Variants in THSD4 observed in about 807,000 individuals in gnomAD.
THSD4 encodes thrombospondin type-1 domain-containing protein 4.
THSD4 carries 69 observed loss-of-function variants against 119.0 expected under a neutral mutation model. The observed-to-expected ratio is 0.58, with a 90% CI of 0.48 to 0.71. The LOEUF is 0.71. THSD4 is among the 30% of genes least tolerant of loss of function. The probability of loss-of-function intolerance (pLI) is 0.00; values close to 1 mark genes in which losing one functional copy is unlikely to be tolerated. For missense variants in THSD4, 1,393 were observed against 1,391.1 expected (o/e 1.00, Z -0.02); for synonymous variants, 524 against 540.4 (o/e 0.97, Z 0.42).
chr15:71,606,164 CTG>C (rs1188612939), intron 7 of THSD4, among the ~76,000 whole-genome samples: 2 of 152,244 alleles, frequency 1.3e-5, no homozygotes, highest in African/African-American at 4.8e-5. Flanking sequence ...AGAGAAAATA[CTG>C]TCTCTGTTTT....
chr15:71,513,782 A>G (rs2048315816), intron 7 of THSD4, among the ~76,000 whole-genome samples: 1 of 152,218 alleles, frequency 6.6e-6, no homozygotes, highest in African/African-American at 2.4e-5. Flanking sequence ...AACAACGCAA[A>G]CATCTATCAA....
At chr15:71,740,167 C>T (rs1383824570) in intron 11 of THSD4, among the ~76,000 whole-genome samples, 1 of 151,960 alleles carries the variant, frequency 6.6e-6, no homozygotes, top group Admixed American at 6.6e-5. Context: ...ATTCATTGGA[C>T]CAACTTCTTT....
At chr15:71,727,575 TATATATATATATACACAC>T (rs1201854756) in intron 8 of THSD4, among the ~76,000 whole-genome samples, 9,493 of 36,566 alleles carry the variant, frequency 0.26, 537 homozygotes, top group East Asian at 0.44. Context: ...TATATATATA[TATATATATATATACACAC>T]ACACACACAC....
At chr15:71,628,853 A>G (rs1278684737) in intron 7 of THSD4, among the ~76,000 whole-genome samples, 1 of 152,194 alleles carries the variant, frequency 6.6e-6, no homozygotes, top group East Asian at 1.9e-4. Flanking sequence ...GGCACCAGCC[A>G]GGCATCCCCG....
At chr15:71,295,376 T>C (rs1452439516) in intron 6 of THSD4, among the ~76,000 whole-genome samples, 1 of 152,150 alleles carries the variant, frequency 6.6e-6, no homozygotes. Context: ...TGAGCCCCTT[T>C]CCTGGTTCAG....
chr15:71,470,761 G>A (rs968818354), intron 7 of THSD4, among the ~76,000 whole-genome samples: 18 of 151,356 alleles, frequency 1.2e-4, no homozygotes, highest in African/African-American at 3.2e-4. Context: ...TCAGCCTCCC[G>A]AGTAGCTGGG....
At chr15:71,731,245 A>C (rs375795585) in intron 10 of THSD4, 28 bp downstream of exon 10, 1 of 1,601,500 alleles carries the variant, frequency 6.2e-7, no homozygotes, top group South Asian at 1.1e-5. Context: ...GTGGCCGGGG[A>C]CTCTGGTCAT....
intron 7 of THSD4, among the ~76,000 whole-genome samples, chr15:71,639,052 A>T (rs955209361): frequency 6.6e-6 from 1 of 152,332 alleles, no homozygotes. Flanking sequence ...ATGCTTCAAC[A>T]TGAAAGTGAC....
chr15:71,163,464 A>G (rs2043264873), intron 3 of THSD4, among the ~76,000 whole-genome samples: 1 of 152,122 alleles, frequency 6.6e-6, no homozygotes, highest in African/African-American at 2.4e-5. Context: ...GATAATCTCG[A>G]AAACCACAAA....
chr15:71,138,976 C>CCCA (rs1447912905), intron 1 of THSD4, among the ~76,000 whole-genome samples: 1 of 147,492 alleles, frequency 6.8e-6, no homozygotes, highest in African/African-American at 2.6e-5. Flanking sequence ...AGTATCCCTC[C>CCCA]CCCCCCCATT....
chr15:71,511,509 T>C (rs1386239797), intron 7 of THSD4, among the ~76,000 whole-genome samples: 1 of 152,236 alleles, frequency 6.6e-6, no homozygotes, highest in African/African-American at 2.4e-5. Flanking sequence ...TACAAATATT[T>C]AAGGATCTGT....
chr15:71,755,752 A>G (rs1480836271), intron 14 of THSD4, among the ~76,000 whole-genome samples: 1 of 151,496 alleles, frequency 6.6e-6, no homozygotes, highest in African/African-American at 2.4e-5. Flanking sequence ...ACAAATAACC[A>G]TAATACAAAG....
At chr15:71,436,926 T>G (rs533293345) in intron 7 of THSD4, among the ~76,000 whole-genome samples, 31 of 152,314 alleles carry the variant, frequency 2.0e-4, no homozygotes, top group Non-Finnish European at 4.3e-4. Context: ...GGTAAATGAT[T>G]CTTTTTGAAA....
chr15:71,108,375 A>G (rs1419640516), intron 1 of THSD4, among the ~76,000 whole-genome samples: 2 of 152,232 alleles, frequency 1.3e-5, no homozygotes, highest in African/African-American at 4.8e-5. Flanking sequence ...GAAAACCCAC[A>G]AGGCTTCTTC....
intron 6 of THSD4, among the ~76,000 whole-genome samples, chr15:71,295,295 C>G (rs897652410): frequency 1.3e-5 from 2 of 152,158 alleles, no homozygotes; most frequent in Admixed American, 6.5e-5. Context: ...GATGAACTCT[C>G]AAGGCCAAGT....
At chr15:71,645,550 G>A (rs1048331507) in intron 7 of THSD4, among the ~76,000 whole-genome samples, 4 of 152,124 alleles carry the variant, frequency 2.6e-5, no homozygotes, top group East Asian at 1.9e-4. Flanking sequence ...GCTTGTCATC[G>A]AAATCATACC....
At chr15:71,342,806 T>C (rs535897343) in intron 6 of THSD4, 16 of 152,260 alleles carry the variant, frequency 1.1e-4, no homozygotes, top group African/African-American at 3.9e-4. Flanking sequence ...TGTGGCAAAT[T>C]CTCTTTTGAG....
At chr15:71,690,392 T>G (rs2052021838) in intron 8 of THSD4, among the ~76,000 whole-genome samples, 1 of 152,288 alleles carries the variant, frequency 6.6e-6, no homozygotes. Flanking sequence ...TACTTCTAGA[T>G]AGTCACAAGG....
intron 7 of THSD4, among the ~76,000 whole-genome samples, chr15:71,497,110 T>G (rs1024968225): frequency 6.6e-6 from 1 of 152,192 alleles, no homozygotes; most frequent in African/African-American, 2.4e-5. Context: ...TTTCTGAAAT[T>G]GTTGCACCCA....
Sources: allele counts gnomAD v4.1 joint callset (sites outside exome capture counted in the v4.1 genomes callset), GRCh38; gene constraint gnomAD v4.1.1; transcripts MANE v1.5; gene names NCBI Gene and HGNC (gene_info 2026-07-23, HGNC 2026-07-21).